Variants in KCNC3 observed in about 807,000 individuals in gnomAD.
KCNC3 encodes the protein potassium voltage-gated channel subfamily C member 3, also known as voltage-gated potassium channel KCNC3.
A neutral mutation model predicts 43.9 loss-of-function variants in KCNC3; 22 were observed. The observed-to-expected ratio is 0.50, with a 90% confidence interval of 0.36 to 0.72. The LOEUF (loss-of-function observed/expected upper bound fraction) is 0.72. Ranked by LOEUF, KCNC3 falls within the 30% of genes least tolerant of loss-of-function variation. The pLI is 0.00. For missense variants in KCNC3, 829 were observed against 1,073.8 expected, an observed-to-expected ratio of 0.77 and a Z score of 3.19; for synonymous variants, 492 against 488.0, an observed-to-expected ratio of 1.01 and a Z score of -0.11.
At chr19:50,332,028 G>T (rs1290562696), upstream of KCNC3, among the ~76,000 whole-genome samples, 2 of 152,148 alleles carry the variant, frequency 1.3e-5, no homozygotes, top group Non-Finnish European at 2.9e-5. This position sits in a 1 kb window ranked among gnomAD's most constrained non-coding sequence, Gnocchi z 5.8. Context: ...AATCCATCAT[G>T]TCCTTCAGCT....
upstream of KCNC3, chr19:50,329,667 G>C (rs540039319): frequency 6.6e-6 from 1 of 152,508 alleles, no homozygotes; most frequent in South Asian, 2.1e-4. Context: ...GGAAGAGACA[G>C]GGCCGCAGAA....
At chr19:50,318,457 G>A (rs2036985486) in intron 4 of KCNC3, among the ~76,000 whole-genome samples, 1 of 152,132 alleles carries the variant, frequency 6.6e-6, no homozygotes, top group Non-Finnish European at 1.5e-5. Flanking sequence ...TTACAGATGT[G>A]AGCCACCCCC....
intron 4 of KCNC3, among the ~76,000 whole-genome samples, chr19:50,318,945 G>GATT (rs1482966748): frequency 4.8e-5 from 6 of 124,308 alleles, no homozygotes; most frequent in Non-Finnish European, 9.4e-5. Flanking sequence ...AGTGAGCCGA[G>GATT]ATTGCACCAT....
At chr19:50,330,823 C>A (rs1051189738), upstream of KCNC3, among the ~76,000 whole-genome samples, 19 of 152,076 alleles carry the variant, frequency 1.2e-4, no homozygotes, top group Middle Eastern at 3.4e-3. Context: ...CGCCTCGGAG[C>A]GGGCCGTCCC....
In KCNC3 at chr19:50,320,310, T is replaced by G; in HGVS notation, c.2210A>C (p.Lys737Thr). 1.6e-6 allele frequency: 1 copy of G among 614,836 alleles called. No individual in the cohort carries two copies. Among genetic ancestry groups the G allele is most frequent in the Non-Finnish European group, 2.3e-6 (1 of 435,656 alleles). 38.1% of individuals were successfully genotyped at this position (614,836 alleles called of 1,614,324 possible). Residue 737 changes from lysine to threonine, a missense_variant, in exon 4 of 5, where the codon AAG becomes ACG. Lys to Thr is a moderately conservative substitution (Grantham distance 78). This residue lies in a region of KCNC3 where 308 missense variants were observed against 276.2 expected (regional missense o/e 1.11). Coordinates refer to ENST00000477616, the MANE Select transcript of KCNC3 (RefSeq NM_004977.3). ...APPLPPQDWR[K>T]PGPPSFLPDL... Reference sequence around the variant, plus strand: ...GGGCAAGAAGCTTGGGGGGCCTGGCTTACGCCAGTCTTGGGGGGGCAGTGG... The same window carrying G: ...GGGCAAGAAGCTTGGGGGGCCTGGCGTACGCCAGTCTTGGGGGGGCAGTGG...
intron 4 of KCNC3, among the ~76,000 whole-genome samples, chr19:50,319,728 C>T (rs747137890): frequency 2.0e-5 from 3 of 152,092 alleles, no homozygotes; most frequent in African/African-American, 7.2e-5. Flanking sequence ...TGCTCCAAAG[C>T]GGAAGCTCCT....
rs750822103 is a variant in KCNC3 at position 50,323,525 on chromosome 19, G to A, written c.1428C>T (p.Pro476=). 3.7e-6 allele frequency: 6 copies of A among 1,614,102 alleles called. No homozygotes were observed. The highest frequency in any genetic ancestry group is 1.6e-4 in the Middle Eastern group (1 of 6,084). The change falls in exon 2 of 5, where the codon CCC becomes CCT. Residue 476 remains proline (P), a synonymous_variant. Coordinates refer to ENST00000477616, the MANE Select transcript of KCNC3 (RefSeq NM_004977.3). ...IYYAERIGAD[P]DDILGSNHTY... is the part of the protein sequence containing the mutation. ...TGTGGTTGGAGCCCAGGATGTCATCGGGGTCGGCGCCAATGCGCTCAGCGT... is the reference window on the plus strand; with the variant it reads ...TGTGGTTGGAGCCCAGGATGTCATCAGGGTCGGCGCCAATGCGCTCAGCGT...
In KCNC3 at chr19:50,329,082, TTGGACGGGGGGCGGGGCGGGAGGGGCG is replaced by T; in HGVS notation, c.-27_-1del. ...GACGAGACGCAGACTGAGCTCAGCA[TTGGACGGGGGGCGGGGCGGGAGGGGCG>T]GGGACGCAGGGGCGGGGACACGGGG... On this transcript the variant is annotated 5_prime_UTR_variant, in exon 1 of 5. Coordinates refer to ENST00000477616, the MANE Select transcript of KCNC3 (RefSeq NM_004977.3). 1 of 479,324 alleles carries T rather than the reference TTGGACGGGGGGCGGGGCGGGAGGGGCG, an allele frequency of 2.1e-6. No individual in the cohort carries two copies. Among genetic ancestry groups the T allele is most frequent in the Non-Finnish European group, 2.6e-6 (1 of 377,636 alleles). 29.7% of individuals were successfully genotyped at this position (479,324 alleles called of 1,614,324 possible). A position where few individuals can be genotyped will look rare whatever the true frequency, so the allele number is the denominator to read the frequency against.
chr19:50,327,795 G>A (rs1002707767), intron 1 of KCNC3, among the ~76,000 whole-genome samples: 1 of 151,984 alleles, frequency 6.6e-6, no homozygotes, highest in Non-Finnish European at 1.5e-5. Flanking sequence ...CCAAGGGCTG[G>A]ACGGTGACCA....
chr19:50,323,636 G>C lies in KCNC3; in HGVS notation c.1317C>G (p.His439Gln), dbSNP rs200510112. The C allele has an allele frequency of 1.2e-6, 2 of 1,614,216 alleles. No individual in the cohort carries two copies. The highest frequency in any genetic ancestry group is 1.7e-6 in the Non-Finnish European group (2 of 1,180,056). ...RHFVGLRVLG[H>Q]TLRASTNEFL... ...ACTCGTTGGTGCTGGCGCGGAGCGTGTGTCCCAGCACGCGCAGCCCCACGA... is the reference window on the plus strand; with the variant it reads ...ACTCGTTGGTGCTGGCGCGGAGCGTCTGTCCCAGCACGCGCAGCCCCACGA... Residue 439 changes from histidine (H) to glutamine (Q), a missense_variant, in exon 2 of 5, where the codon CAC becomes CAG. Physicochemically the swap from His to Gln is conservative, Grantham distance 24. Transcript: ENST00000477616.
chr19:50,323,981 G>A lies in KCNC3; in HGVS notation c.972C>T (p.Thr324=). Residue 324 remains threonine, a synonymous_variant, in exon 2 of 5, where the codon ACC becomes ACT. Coordinates refer to ENST00000477616, the MANE Select transcript of KCNC3 (RefSeq NM_004977.3). ...GTGCCCCGGGGATCGGGGAGGCCTGGGTCACCGTCTTGTTGCTAATATGGA... is the reference window on the plus strand; with the variant it reads ...GTGCCCCGGGGATCGGGGAGGCCTGAGTCACCGTCTTGTTGCTAATATGGA... ...GFIHISNKTV[T]QASPIPGAPP... is the part of the protein sequence containing the mutation. 6.2e-7 allele frequency: 1 copy of A among 1,613,146 alleles called. No homozygotes were observed. The highest frequency in any genetic ancestry group is 8.5e-7 in the Non-Finnish European group (1 of 1,179,160).
In KCNC3 at chr19:50,320,231, GA is replaced by G. The variant is rs2037009773; in HGVS notation, c.*14del. On this transcript the variant is annotated 3_prime_UTR_variant, in exon 4 of 5. Transcript: ENST00000477616. ...GGGTGGGGGCTACTTACCCCGGGGG[GA>G]GGGGGTTCGTCCACTAGGGGGATAT... is the stretch of plus-strand genomic sequence containing the variant. The G allele has an allele frequency of 5.0e-6, 2 of 401,132 alleles. No homozygotes were observed. The highest frequency in any genetic ancestry group is 8.0e-6 in the Non-Finnish European group (2 of 250,940). The allele number at this position is 401,132 out of a possible 1,614,324, so 24.8% of individuals were successfully genotyped here.
At chr19:50,331,863 C>A (rs935198186), upstream of KCNC3, among the ~76,000 whole-genome samples, 58 of 152,150 alleles carry the variant, frequency 3.8e-4, no homozygotes, top group African/African-American at 1.4e-3. Context: ...CTCTGGGTCT[C>A]CGTTCCTTTT....
upstream of KCNC3, among the ~76,000 whole-genome samples, chr19:50,333,288 G>T (rs190344383): frequency 4.6e-5 from 7 of 152,312 alleles, no homozygotes; most frequent in East Asian, 1.4e-3. Context: ...GGCTGCAGAG[G>T]GGGGAGTGAC....
rs2037083056 is a variant in KCNC3, at chr19:50,324,833, G to A, written c.871-751C>T. ...GTCAAGGCCTCACCCAGAGAGGACA[G>A]GGCAGTGGTGGTGCCACAGAGGGGA... On this transcript the variant is annotated intron_variant, in intron 1 of 4. Transcript: ENST00000477616. This position sits in a 1 kb window ranked among gnomAD's most constrained non-coding sequence, Gnocchi z 4.1. Among the ~76,000 whole-genome samples, 2 of 151,878 alleles carry A rather than the reference G, an allele frequency of 1.3e-5. No individual in the cohort carries two copies. The highest frequency in any genetic ancestry group is 1.3e-4 in the Admixed American group (2 of 15,262).
chr19:50,319,729 G>T (rs147594942), intron 4 of KCNC3, among the ~76,000 whole-genome samples: 1 of 152,054 alleles, frequency 6.6e-6, no homozygotes, highest in Non-Finnish European at 1.5e-5. Flanking sequence ...GCTCCAAAGC[G>T]GAAGCTCCTG....
Position 50,328,368 on chromosome 19 carries a change from C to T in KCNC3, c.715G>A (p.Gly239Ser), listed in dbSNP as rs2037132954. ...GAGGGGLDGA[G>S]GELKRLCFQD... ...AAGCAGAGGCGCTTGAGCTCGCCGC[C>T]CGCTCCGTCCAGGCCGCCGCCGCCC... The change falls in exon 1 of 5, where the codon GGC becomes AGC. Residue 239 changes from glycine to serine, a missense_variant. Transcript: ENST00000477616. 2.5e-6 allele frequency: 3 copies of T among 1,200,248 alleles called. No individual in the cohort carries two copies. The highest frequency in any genetic ancestry group is 9.0e-5 in the Admixed American group (2 of 22,170). 74.3% of individuals were successfully genotyped at this position (1,200,248 alleles called of 1,614,324 possible). A position where few individuals can be genotyped will look rare whatever the true frequency, so the allele number is the denominator to read the frequency against.
intron 4 of KCNC3, among the ~76,000 whole-genome samples, chr19:50,317,867 G>A (rs376436800): frequency 1.3e-5 from 2 of 152,154 alleles, no homozygotes; most frequent in South Asian, 4.1e-4. Flanking sequence ...GCACAATCAT[G>A]GCTCACTGCA....
chr19:50,320,460 A>G (rs2037015464), intron 3 of KCNC3, 111 bp from the exon 4 acceptor site: 2 of 759,988 alleles, frequency 2.6e-6, no homozygotes, highest in East Asian at 2.7e-5. Context: ...AAGATCTGGG[A>G]GGGAGGCAGT....
Sources: gnomAD v4.1 joint callset for allele counts (sites outside exome capture counted in the v4.1 genomes callset) on GRCh38, gnomAD v4.1.1 for gene constraint, gnomAD v4.1.1 regional missense constraint, Gnocchi (gnomAD v3.1) non-coding constraint, MANE v1.5 for transcripts, NCBI Gene and HGNC (gene_info 2026-07-23, HGNC 2026-07-21) for gene names.